The following ADAM28 variants were observed in gnomAD, a reference collection of about 807,000 sequenced individuals.
ADAM28 encodes ADAM metallopeptidase domain 28, also known as disintegrin and metalloproteinase domain-containing protein 28.
A neutral mutation model predicts 101.2 loss-of-function variants in ADAM28; 105 were observed. The ratio of observed to expected loss-of-function variants is 1.04; its 90% CI spans 0.89 to 1.22. ADAM28 has a LOEUF of 1.22. Ranked by LOEUF, ADAM28 falls within the 50% of genes most tolerant of loss-of-function variation. ADAM28 has a pLI of 0.00. For synonymous variants in ADAM28, 322 were observed against 310.6 expected, an observed-to-expected ratio of 1.04 and a Z score of -0.39; for missense variants, 1,028 against 945.4, an observed-to-expected ratio of 1.09 and a Z score of -1.15.
intron 1 of ADAM28, 123 bp from the exon 2 acceptor site, chr8:24,299,851 A>ACATT: frequency 1.5e-6 from 1 of 668,524 alleles, no homozygotes; most frequent in South Asian, 1.9e-5. Flanking sequence ...AATCACTCTG[A>ACATT]CATTCATCAC....
At chr8:24,337,508 G>A (rs1445129286) in intron 14 of ADAM28, among the ~76,000 whole-genome samples, 1 of 152,204 alleles carries the variant, frequency 6.6e-6, no homozygotes, top group Admixed American at 6.5e-5. Flanking sequence ...ATTGTTCACA[G>A]TTGTATTCCC....
In ADAM28 at chr8:24,323,865, T is replaced by TG; in HGVS notation, c.752_753insG (p.Val252SerfsTer8). ...AAAAAGCTCAATACTCATGTGGCCT[T>TG]AGTTGGTATGGAAATCTGGACTGAC... On this transcript the variant is annotated frameshift_variant, in exon 9 of 23. Coordinates refer to ENST00000265769, the MANE Select transcript of ADAM28 (RefSeq NM_014265.6). LOFTEE classifies it high-confidence loss of function. The TG allele has an allele frequency of 6.2e-7, 1 of 1,612,074 alleles. No homozygotes were observed. The highest frequency in any genetic ancestry group is 8.5e-7 in the Non-Finnish European group (1 of 1,178,706).
intron 8 of ADAM28, chr8:24,322,771 G>A (rs1304759506): frequency 2.6e-5 from 4 of 151,994 alleles, no homozygotes; most frequent in Non-Finnish European, 1.5e-5. Flanking sequence ...ATTCCTTAAT[G>A]CTTTTCCTGT....
chr8:24,353,190 A>G (rs1816372784), intron 21 of ADAM28, among the ~76,000 whole-genome samples: 1 of 151,964 alleles, frequency 6.6e-6, no homozygotes, highest in Admixed American at 6.6e-5. Context: ...ATTCATTTCT[A>G]GATGTTTATT....
intron 2 of ADAM28, among the ~76,000 whole-genome samples, chr8:24,300,671 C>A (rs1276824537): frequency 1.3e-5 from 2 of 152,158 alleles, no homozygotes; most frequent in Non-Finnish European, 2.9e-5. Context: ...CCGCCTCGGC[C>A]TCCCAAAGTG....
intron 18 of ADAM28, among the ~76,000 whole-genome samples, chr8:24,347,204 A>T (rs959090750): frequency 3.9e-5 from 6 of 152,106 alleles, no homozygotes; most frequent in African/African-American, 1.2e-4. Context: ...CTCTATTAGT[A>T]CTGTCAAATA....
chr8:24,332,753 A>C lies in ADAM28; in HGVS notation c.1371+4A>C, dbSNP rs769574082. On this transcript the variant is annotated splice_donor_region_variant and intron_variant, in intron 13 of 22. Coordinates refer to ENST00000265769, the MANE Select transcript of ADAM28 (RefSeq NM_014265.6). ...AGAATGTTGTGAAAAATGCCAAGTA[A>C]GATTATTTTATTCTATTTTAATAAT... The C allele has an allele frequency of 1.4e-6, 2 of 1,414,266 alleles. No individual in the cohort carries two copies. The highest frequency in any genetic ancestry group is 1.9e-6 in the Non-Finnish European group (2 of 1,059,314). The allele number at this position is 1,414,266 out of a possible 1,614,324, so 87.6% of individuals were successfully genotyped here. A position where few individuals can be genotyped will look rare whatever the true frequency, so the allele number is the denominator to read the frequency against.
intron 18 of ADAM28, among the ~76,000 whole-genome samples, chr8:24,348,071 A>C (rs78882706): frequency 0.015 from 2,207 of 151,960 alleles, 59 homozygotes; most frequent in African/African-American, 0.05. Flanking sequence ...TATAGTTTCT[A>C]TTTGTCTTTC....
intron 20 of ADAM28, 98 bp downstream of exon 20, chr8:24,351,408 C>A (rs775143792): frequency 1.9e-5 from 24 of 1,268,216 alleles, no homozygotes; most frequent in Middle Eastern, 1.8e-4. Context: ...TACCCAGCAG[C>A]GTTTTGCAGT....
chr8:24,327,962 C>A lies in ADAM28; in HGVS notation c.972+1327C>A, dbSNP rs1726340737. Among the ~76,000 whole-genome samples the A allele has an allele frequency of 5.3e-5, 8 of 152,082 alleles. 1 individual carries two copies. In the South Asian group the frequency reaches 1.7e-3, roughly 32 times the overall value. Reference sequence around the variant, plus strand: ...TGTTTTAGATATCCATCTTTCATTGCAATTTAAAATTAAATTAGTTTTCAT... The same window carrying A: ...TGTTTTAGATATCCATCTTTCATTGAAATTTAAAATTAAATTAGTTTTCAT... On this transcript the variant is annotated intron_variant, in intron 10 of 22. Transcript: ENST00000265769.
chr8:24,350,512 T>C (rs1815970396), intron 19 of ADAM28, among the ~76,000 whole-genome samples: 1 of 152,146 alleles, frequency 6.6e-6, no homozygotes, highest in Non-Finnish European at 1.5e-5. Flanking sequence ...GGTTTCACCA[T>C]GTTGGCCAAC....
intron 15 of ADAM28, among the ~76,000 whole-genome samples, chr8:24,339,846 G>C (rs1463438978): frequency 6.6e-6 from 1 of 152,168 alleles, no homozygotes; most frequent in Non-Finnish European, 1.5e-5. Context: ...GGTTGTGATG[G>C]AACATGCCAC....
chr8:24,302,768 C>T lies in ADAM28; in HGVS notation c.150+2691C>T, dbSNP rs149937381. Among the ~76,000 whole-genome samples, 921 of 151,728 alleles carry T rather than the reference C, an allele frequency of 6.1e-3. 14 individuals carry two copies. The highest frequency in any genetic ancestry group is 0.021 in the African/African-American group (881 of 41,080). ...GAAGTGTCTGTTCATGTCCTTTGTCCACTTTTTTTTAAAAATTATACCTTA... is the reference window on the plus strand; with the variant it reads ...GAAGTGTCTGTTCATGTCCTTTGTCTACTTTTTTTTAAAAATTATACCTTA... On this transcript the variant is annotated intron_variant, in intron 2 of 22. Transcript: ENST00000265769.
At chr8:24,310,054 C>A in intron 3 of ADAM28, 84 bp downstream of exon 3, 1 of 1,485,974 alleles carries the variant, frequency 6.7e-7, no homozygotes, top group Non-Finnish European at 9.4e-7. Context: ...CTGCTTATGG[C>A]TCACACAAAC....
chr8:24,344,542 T>C (rs923912753), intron 18 of ADAM28, among the ~76,000 whole-genome samples: 4 of 152,158 alleles, frequency 2.6e-5, no homozygotes, highest in African/African-American at 9.7e-5. Context: ...GAGAGAACAT[T>C]TATTTCTGAT....
chr8:24,306,367 T>TATATATATATATATTTAAAAAAAAAAAA (rs1563270579), intron 2 of ADAM28, among the ~76,000 whole-genome samples: 12 of 136,320 alleles, frequency 8.8e-5, no homozygotes, highest in African/African-American at 3.4e-4. Context: ...TAAATAAATA[T>TATATATATATATATTTAAAAAAAAAAAA]ATATATATAT....
intron 18 of ADAM28, among the ~76,000 whole-genome samples, chr8:24,349,529 C>T (rs1210063231): frequency 6.6e-6 from 1 of 152,134 alleles, no homozygotes; most frequent in African/African-American, 2.4e-5. Flanking sequence ...AAAAATGTTT[C>T]ATTTCTTCTT....
Position 24,349,967 on chromosome 8 carries a change from T to C in ADAM28, c.2094T>C (p.Asp698=). 1.2e-6 allele frequency: 2 copies of C among 1,613,314 alleles called. No homozygotes were observed. Among genetic ancestry groups the C allele is most frequent in the Non-Finnish European group, 1.7e-6 (2 of 1,179,500 alleles). ...HQSSREKQKK[D]QRPLSTTGTR... ...GCTCCAGAGAAAAGCAGAAGAAAGA[T>C]CAGAGGTGATCCTTTATCTTATCTT... Residue 698 remains aspartate, a synonymous_variant, in exon 19 of 23, where the codon GAT becomes GAC. Coordinates refer to ENST00000265769, the MANE Select transcript of ADAM28 (RefSeq NM_014265.6).
At chr8:24,343,998 C>G (rs1021975160) in intron 18 of ADAM28, among the ~76,000 whole-genome samples, 1 of 152,046 alleles carries the variant, frequency 6.6e-6, no homozygotes, top group Non-Finnish European at 1.5e-5. Context: ...CTGTTGTCAC[C>G]ACGTCACTTG....
Sources: gnomAD v4.1 joint callset for allele counts (sites outside exome capture counted in the v4.1 genomes callset) on GRCh38, gnomAD v4.1.1 for gene constraint, MANE v1.5 for transcripts, NCBI Gene and HGNC (gene_info 2026-07-23, HGNC 2026-07-21) for gene names.